Variants in PPP1R26 observed in about 807,000 individuals in gnomAD.
The protein encoded by PPP1R26 is 1A6/DRIM (down-regulated in metastasis) interacting protein.
Under a neutral mutation model 67.6 loss-of-function variants are expected in PPP1R26, and 22 were observed. The observed-to-expected ratio is 0.33, with a 90% CI of 0.23 to 0.46. The LOEUF is 0.46. Among genes scored for constraint, PPP1R26 ranks in the 20% least tolerant of loss-of-function variants. The pLI, the probability that PPP1R26 is intolerant of heterozygous loss-of-function variation, is 1.00. For synonymous variants in PPP1R26, 729 were observed against 717.2 expected, an observed-to-expected ratio of 1.02 and a Z score of -0.26; for missense variants, 1,602 against 1,651.4, an observed-to-expected ratio of 0.97 and a Z score of 0.52.
rs541987858 is a variant in PPP1R26 at position 135,487,666 on chromosome 9, G to T, written c.3156G>T (p.Arg1052Ser). Residue 1052 changes from arginine (R) to serine (S), a missense_variant, in exon 4 of 4, where the codon AGG becomes AGT. Arg to Ser is a moderately radical substitution (Grantham distance 110). Transcript: ENST00000356818. ...CCGAAGGCAGAGATGCAGTGTGGAG[G>T]GGGGGCGTCGGGAGCGAGAGAGACA... Reference protein sequence around the residue: ...LRSEGRDAVWRGGVGSERDKG... With the variant: ...LRSEGRDAVWSGGVGSERDKG... 4.2e-5 allele frequency: 62 copies of T among 1,461,870 alleles called. No individual in the cohort carries two copies. In the South Asian group the frequency reaches 5.1e-4, roughly 12 times the overall value. 90.6% of individuals were successfully genotyped at this position (1,461,870 alleles called of 1,614,324 possible). A position where few individuals can be genotyped will look rare whatever the true frequency, so the allele number is the denominator to read the frequency against.
chr9:135,486,359 G>A lies in PPP1R26; in HGVS notation c.1849G>A (p.Gly617Ser), dbSNP rs748066720. 10 of 1,613,056 alleles carry A rather than the reference G, an allele frequency of 6.2e-6. No homozygotes were observed. Among genetic ancestry groups the A allele is most frequent in the Admixed American group, 1.7e-5 (1 of 60,004 alleles). ...GAAAATGCAGGAGGTGGTGAAAGACGGTAGCCAGGATGCCGACCACAGCCA... is the reference window on the plus strand; with the variant it reads ...GAAAATGCAGGAGGTGGTGAAAGACAGTAGCCAGGATGCCGACCACAGCCA... ...PKKMQEVVKDGSQDADHSQGR... is the reference protein window; with the variant it reads ...PKKMQEVVKDSSQDADHSQGR... The change falls in exon 4 of 4, where the codon GGT becomes AGT. Residue 617 changes from glycine to serine, a missense_variant. By Grantham distance (56) the Gly-to-Ser change is moderately conservative (BLOSUM62 0). Transcript: ENST00000356818. The surrounding 1 kb of genome is among the most constrained non-coding windows in gnomAD (Gnocchi z 6.2).
In PPP1R26 at chr9:135,486,852, G is replaced by T. The variant is rs775700096; in HGVS notation, c.2342G>T (p.Arg781Met). The change falls in exon 4 of 4, where the codon AGG becomes ATG. Residue 781 changes from arginine to methionine, a missense_variant. Physicochemically the swap from Arg to Met is moderately conservative, Grantham distance 91 (BLOSUM62 -1). Coordinates refer to ENST00000356818, the MANE Select transcript of PPP1R26 (RefSeq NM_014811.5). The surrounding 1 kb of genome is among the most constrained non-coding windows in gnomAD (Gnocchi z 6.2). ...TTTGGCAGCACGGCAGAGAGGATGAGGCAGGAGGGTGCCGCGAGCCAGGAC... is the reference window on the plus strand; with the variant it reads ...TTTGGCAGCACGGCAGAGAGGATGATGCAGGAGGGTGCCGCGAGCCAGGAC... ...SVFGSTAERM[R>M]QEGAASQDAA... 1.2e-6 allele frequency: 2 copies of T among 1,611,368 alleles called. No individual in the cohort carries two copies. Among genetic ancestry groups the T allele is most frequent in the African/African-American group, 2.7e-5 (2 of 74,920 alleles).
At chr9:135,484,278 C>G in intron 3 of PPP1R26, 171 bp from the exon 4 acceptor site, 2 of 543,044 alleles carry the variant, frequency 3.7e-6, no homozygotes, top group South Asian at 5.6e-5. Flanking sequence ...ATCCGAGGCC[C>G]CAGGAGCATG....
chr9:135,479,608 C>G (rs1329971919), upstream of PPP1R26: 1 of 145,116 alleles, frequency 6.9e-6, no homozygotes, highest in Admixed American at 6.8e-5. This position sits in a 1 kb window ranked among gnomAD's most constrained non-coding sequence, Gnocchi z 5.9. Flanking sequence ...TGGGCGCGCT[C>G]TCGCGGGCGG....
rs752711802 is a variant in PPP1R26 at position 135,488,062 on chromosome 9, C to T, written c.3552C>T (p.Asp1184=). Residue 1184 remains aspartate, a synonymous_variant, in exon 4 of 4, where the codon GAC becomes GAT. Coordinates refer to ENST00000356818, the MANE Select transcript of PPP1R26 (RefSeq NM_014811.5). ...TCAACAGGGATGACCAGGAGCAGGACGCCTTGGGCAGTGACGCCAGTGACT... is the reference window on the plus strand; with the variant it reads ...TCAACAGGGATGACCAGGAGCAGGATGCCTTGGGCAGTGACGCCAGTGACT... ...RRVNRDDQEQ[D]ALGSDASDFS... is the part of the protein sequence containing the mutation. 1.2e-5 allele frequency: 19 copies of T among 1,592,110 alleles called. No individual in the cohort carries two copies. Among genetic ancestry groups the T allele is most frequent in the Non-Finnish European group, 1.5e-5 (18 of 1,170,844 alleles).
chr9:135,485,139 C>T lies in PPP1R26; in HGVS notation c.629C>T (p.Ser210Phe). The T allele has an allele frequency of 1.9e-6, 3 of 1,612,886 alleles. No individual in the cohort carries two copies. The highest frequency in any genetic ancestry group is 1.7e-6 in the Non-Finnish European group (2 of 1,179,858). ...GTGGGATCCAGCAAGGACCAGGGCT[C>T]CGCCTCCCCGGTCAGTGTGAGCAGC... ...SQVGSSKDQG[S>F]ASPVSVSSDD... Residue 210 changes from serine (S) to phenylalanine (F), a missense_variant, in exon 4 of 4, where the codon TCC becomes TTC. By Grantham distance (155) the Ser-to-Phe change is radical. Transcript: ENST00000356818. The surrounding 1 kb of genome is among the most constrained non-coding windows in gnomAD (Gnocchi z 7.2).
chr9:135,487,096 C>G lies in PPP1R26; in HGVS notation c.2586C>G (p.Gly862=), dbSNP rs754305368. Residue 862 remains glycine (G), a synonymous_variant, in exon 4 of 4, where the codon GGC becomes GGG. Coordinates refer to ENST00000356818, the MANE Select transcript of PPP1R26 (RefSeq NM_014811.5). ...SVSSSEVQAE[G]PTALGTGGPA... is the part of the protein sequence containing the mutation. ...GCAGTTCAGAAGTTCAGGCAGAGGG[C>G]CCCACCGCTCTTGGGACAGGGGGCC... 1 of 1,611,512 alleles carries G rather than the reference C, an allele frequency of 6.2e-7. No individual in the cohort carries two copies. Among genetic ancestry groups the G allele is most frequent in the South Asian group, 1.1e-5 (1 of 91,004 alleles).
chr9:135,483,864 T>G (rs1830608157), intron 2 of PPP1R26, 86 bp from the exon 3 acceptor site: 2 of 396,918 alleles, frequency 5.0e-6, no homozygotes, highest in Non-Finnish European at 8.9e-6. Flanking sequence ...ACATTTAACA[T>G]AGAGAGGGTT....
intron 1 of PPP1R26, among the ~76,000 whole-genome samples, chr9:135,481,284 CA>C: frequency 6.6e-6 from 1 of 150,766 alleles, no homozygotes; most frequent in African/African-American, 2.4e-5. Flanking sequence ...CTTTGTCGCC[CA>C]GGCTGGAGTG....
In PPP1R26 at chr9:135,479,982, C is replaced by T. The variant is rs1830452062; in HGVS notation, c.-369C>T. 6.9e-6 allele frequency: 1 copy of T among 144,998 alleles called. No individual in the cohort carries two copies. Among genetic ancestry groups the T allele is most frequent in the African/African-American group, 2.5e-5 (1 of 40,412 alleles). 9.0% of individuals were successfully genotyped at this position (144,998 alleles called of 1,614,324 possible). ...TCCCCCGGGACGTGGGACGCGGGCG[C>T]AGGCGGGGTCCGCGCGGCGGGCGGC... On this transcript the variant is annotated 5_prime_UTR_variant, in exon 1 of 4. Transcript: ENST00000356818. The surrounding 1 kb of genome is among the most constrained non-coding windows in gnomAD (Gnocchi z 5.9).
At position 135,487,124 on chromosome 9, in the gene PPP1R26, G is replaced by C; in HGVS notation, c.2614G>C (p.Ala872Pro). Residue 872 changes from alanine (A) to proline (P), a missense_variant, in exon 4 of 4, where the codon GCC (alanine) becomes CCC (proline). Physicochemically the swap from Ala to Pro is conservative, Grantham distance 27. Around this residue, in one of 5 missense-constraint regions of PPP1R26, gnomAD observed 740 missense variants for 696.3 expected, o/e 1.06. Coordinates refer to ENST00000356818, the MANE Select transcript of PPP1R26 (RefSeq NM_014811.5). ...CACCGCTCTTGGGACAGGGGGCCCA[G>C]CCAGGCCAGAGGTGCTGTGCAGGAA... is the stretch of plus-strand genomic sequence containing the variant. ...GPTALGTGGP[A>P]RPEVLCRKEP... 1.2e-6 allele frequency: 2 copies of C among 1,609,598 alleles called. No individual in the cohort carries two copies. The highest frequency in any genetic ancestry group is 8.5e-7 in the Non-Finnish European group (1 of 1,178,254).
At chr9:135,481,000 G>C (rs905763406) in intron 1 of PPP1R26, among the ~76,000 whole-genome samples, 1 of 152,126 alleles carries the variant, frequency 6.6e-6, no homozygotes, top group Non-Finnish European at 1.5e-5. Flanking sequence ...TTAGGATGGC[G>C]AGGGCCCAGT....
Position 135,485,730 on chromosome 9 carries a change from C to A in PPP1R26, c.1220C>A (p.Thr407Lys), listed in dbSNP as rs769612930. The stretch of plus-strand genomic sequence containing the variant: ...GCGCCTGACCCTCCCGCACACAGCA[C>A]AAGCAGTGCCACAAAAAGTGCCTTG... ...ERAPDPPAHSTSSATKSALPE... is the reference protein window; with the variant it reads ...ERAPDPPAHSKSSATKSALPE... Residue 407 changes from threonine to lysine, a missense_variant, in exon 4 of 4, where the codon ACA becomes AAA. Physicochemically the swap from Thr to Lys is moderately conservative, Grantham distance 78 (BLOSUM62 -1). Coordinates refer to ENST00000356818, the MANE Select transcript of PPP1R26 (RefSeq NM_014811.5). This position sits in a 1 kb window ranked among gnomAD's most constrained non-coding sequence, Gnocchi z 7.2. The A allele has an allele frequency of 2.3e-5, 37 of 1,610,324 alleles. No homozygotes were observed. Among genetic ancestry groups the A allele is most frequent in the Non-Finnish European group, 3.1e-5 (37 of 1,180,020 alleles).
chr9:135,485,368 G>A lies in PPP1R26; in HGVS notation c.858G>A (p.Glu286=), dbSNP rs1308975211. The change falls in exon 4 of 4, where the codon GAG becomes GAA. Residue 286 remains glutamate, a synonymous_variant. Coordinates refer to ENST00000356818, the MANE Select transcript of PPP1R26 (RefSeq NM_014811.5). The surrounding 1 kb of genome is among the most constrained non-coding windows in gnomAD (Gnocchi z 7.2). ...HRQGLLGVQK[E]FAFRKPPRLA... The stretch of plus-strand genomic sequence containing the variant: ...AGGGCCTGCTGGGCGTCCAGAAGGA[G>A]TTTGCCTTCCGCAAACCTCCCCGGT... 2 of 1,612,816 alleles carry A rather than the reference G, an allele frequency of 1.2e-6. No individual in the cohort carries two copies. Among genetic ancestry groups the A allele is most frequent in the African/African-American group, 1.3e-5 (1 of 74,920 alleles).
rs112212586 is a variant in PPP1R26, at chr9:135,480,998, G to T, written c.-329+976G>T. ...CACAGGTGGGCAGACTGTTAGGATG[G>T]CGAGGGCCCAGTGTGGGTGCTTTGG... On this transcript the variant is annotated intron_variant, in intron 1 of 3. Transcript: ENST00000356818. 6.7e-3 allele frequency among the ~76,000 whole-genome samples: 1,016 copies of T among 152,272 alleles called. 16 individuals carry two copies. The highest frequency in any genetic ancestry group is 0.023 in the African/African-American group (944 of 41,560).
chr9:135,482,652 A>T (rs909852822), intron 1 of PPP1R26, 31 bp from the exon 2 acceptor site: 4 of 398,302 alleles, frequency 1.0e-5, no homozygotes, highest in Non-Finnish European at 1.8e-5. Flanking sequence ...GCCTGTAATT[A>T]GATGCCTCTG....
At position 135,486,809 on chromosome 9, in the gene PPP1R26, A is replaced by G. The variant is rs1319925056; in HGVS notation, c.2299A>G (p.Lys767Glu). The G allele has an allele frequency of 1.2e-6, 2 of 1,605,906 alleles. No individual in the cohort carries two copies. Among genetic ancestry groups the G allele is most frequent in the Admixed American group, 3.4e-5 (2 of 58,276 alleles). The change falls in exon 4 of 4, where the codon AAG becomes GAG. Residue 767 changes from lysine to glutamate, a missense_variant. Lys to Glu is a moderately conservative substitution (Grantham distance 56, BLOSUM62 1). This residue lies in a region of PPP1R26 where 740 missense variants were observed against 696.3 expected (regional missense o/e 1.06). Coordinates refer to ENST00000356818, the MANE Select transcript of PPP1R26 (RefSeq NM_014811.5). The surrounding 1 kb of genome is among the most constrained non-coding windows in gnomAD (Gnocchi z 6.2). ...GAGAGACAGTGGCGAGGGTCCTGGG[A>G]AGAAACCCCCCAGTGTCTTTGGCAG... ...SKRDSGEGPG[K>E]KPPSVFGSTA...
intron 1 of PPP1R26, among the ~76,000 whole-genome samples, chr9:135,481,350 C>G (rs778399295): frequency 1.3e-4 from 19 of 150,506 alleles, no homozygotes; most frequent in Admixed American, 1.1e-3. Flanking sequence ...AAGCGATTCT[C>G]GTGCCTCAGC....
chr9:135,488,838 A>G lies in PPP1R26; in HGVS notation c.*698A>G, dbSNP rs1343612612. ...CTGGGCCTGGGTGGGTTCATGTCCAATCTTGTTCGATCACTAGATGATTCT... is the reference window on the plus strand; with the variant it reads ...CTGGGCCTGGGTGGGTTCATGTCCAGTCTTGTTCGATCACTAGATGATTCT... On this transcript the variant is annotated 3_prime_UTR_variant, in exon 4 of 4. Transcript: ENST00000356818. The G allele has an allele frequency of 6.0e-6, 1 of 166,920 alleles. No homozygotes were observed. Among genetic ancestry groups the G allele is most frequent in the African/African-American group, 2.4e-5 (1 of 41,446 alleles). 10.3% of individuals were successfully genotyped at this position (166,920 alleles called of 1,614,324 possible).
Sources: gnomAD v4.1 joint callset for allele counts (sites outside exome capture counted in the v4.1 genomes callset) on GRCh38, gnomAD v4.1.1 for gene constraint, gnomAD v4.1.1 regional missense constraint, Gnocchi (gnomAD v3.1) non-coding constraint, MANE v1.5 for transcripts, NCBI Gene and HGNC (gene_info 2026-07-23, HGNC 2026-07-21) for gene names.